The following LRP1B variants were observed in gnomAD, a reference collection of about 807,000 sequenced individuals.
LRP1B encodes low-density lipoprotein receptor-related protein 1B.
Under a neutral mutation model 556.6 loss-of-function variants are expected in LRP1B, and 217 were observed. That is an observed-to-expected ratio of 0.39 (90% CI 0.35 to 0.44). The LOEUF (loss-of-function observed/expected upper bound fraction) is 0.44. LRP1B is among the 20% of genes least tolerant of loss of function. The probability of loss-of-function intolerance (pLI) is 1.00; values close to 1 mark genes in which losing one functional copy is unlikely to be tolerated. For synonymous variants in LRP1B, 2,047 were observed against 1,865.8 expected, an observed-to-expected ratio of 1.10 and a Z score of -2.50; for missense variants, 5,053 against 5,620.8, an observed-to-expected ratio of 0.90 and a Z score of 3.23.
At chr2:140,803,290 T>TTTC (rs869303438) in intron 32 of LRP1B, among the ~76,000 whole-genome samples, 29 of 115,280 alleles carry the variant, frequency 2.5e-4, no homozygotes, top group African/African-American at 3.8e-4. Flanking sequence ...TTTTTTTTTT[T>TTTC]CCGAGATGGA....
At chr2:141,293,237 G>T (rs2105413687) in intron 3 of LRP1B, among the ~76,000 whole-genome samples, 1 of 152,292 alleles carries the variant, frequency 6.6e-6, no homozygotes, top group African/African-American at 2.4e-5. Context: ...TGACTGTTCA[G>T]AGAAATAACA....
intron 41 of LRP1B, among the ~76,000 whole-genome samples, chr2:140,690,078 A>G (rs1686184396): frequency 6.6e-6 from 1 of 152,112 alleles, no homozygotes; most frequent in South Asian, 2.1e-4. Context: ...TCATCCATCT[A>G]AAGAATATCA....
intron 1 of LRP1B, among the ~76,000 whole-genome samples, chr2:142,039,514 C>T (rs187618101): frequency 1.3e-5 from 2 of 151,444 alleles, no homozygotes; most frequent in African/African-American, 2.4e-5. Context: ...ATGATGGTCA[C>T]TTTATAATGC....
intron 1 of LRP1B, among the ~76,000 whole-genome samples, chr2:141,974,200 G>C (rs1701820789): frequency 6.6e-6 from 1 of 151,892 alleles, no homozygotes; most frequent in South Asian, 2.1e-4. Flanking sequence ...CCCAGAACAG[G>C]AAAGTGTTAA....
At chr2:141,452,636 G>A (rs948396660) in intron 3 of LRP1B, among the ~76,000 whole-genome samples, 2 of 152,170 alleles carry the variant, frequency 1.3e-5, no homozygotes, top group African/African-American at 4.8e-5. Context: ...ATCTTTCCCA[G>A]TAAAGAAGTT....
chr2:140,801,974 C>T (rs1178091184), intron 32 of LRP1B, among the ~76,000 whole-genome samples: 3 of 151,924 alleles, frequency 2.0e-5, no homozygotes, highest in African/African-American at 7.3e-5. Context: ...CTATCAAATA[C>T]AAAAATAAAG....
At chr2:140,980,444 A>G (rs1349324499) in intron 18 of LRP1B, among the ~76,000 whole-genome samples, 1 of 152,166 alleles carries the variant, frequency 6.6e-6, no homozygotes, top group African/African-American at 2.4e-5. Flanking sequence ...ATATTCTATT[A>G]TATACGTAAA....
chr2:140,390,063 G>T (rs1683948187), intron 66 of LRP1B, among the ~76,000 whole-genome samples: 1 of 152,108 alleles, frequency 6.6e-6, no homozygotes, highest in Admixed American at 6.6e-5. Flanking sequence ...CCAGGAGGCA[G>T]AGGTTGCAGT....
intron 2 of LRP1B, among the ~76,000 whole-genome samples, chr2:141,677,222 A>C (rs1026262453): frequency 1.3e-5 from 2 of 152,144 alleles, no homozygotes; most frequent in Non-Finnish European, 2.9e-5. Context: ...TTTGTTTCAA[A>C]AAATTGAGCC....
chr2:141,042,663 G>A (rs2105434465), intron 11 of LRP1B, among the ~76,000 whole-genome samples: 1 of 152,170 alleles, frequency 6.6e-6, no homozygotes, highest in South Asian at 2.1e-4. Context: ...TAATAATAAT[G>A]CTGACCTCGG....
intron 66 of LRP1B, among the ~76,000 whole-genome samples, chr2:140,390,442 TAAA>T (rs1367054791): frequency 6.6e-6 from 1 of 151,842 alleles, no homozygotes; most frequent in Non-Finnish European, 1.5e-5. Context: ...ATGCCATACA[TAAA>T]AAAGCAATCT....
intron 41 of LRP1B, among the ~76,000 whole-genome samples, chr2:140,681,671 T>G (rs1342663756): frequency 6.6e-6 from 1 of 152,156 alleles, no homozygotes; most frequent in East Asian, 1.9e-4. Context: ...AATTTCAGAT[T>G]TCAATGGTAT....
At chr2:141,096,733 G>A (rs970815256) in intron 7 of LRP1B, among the ~76,000 whole-genome samples, 2 of 147,528 alleles carry the variant, frequency 1.4e-5, no homozygotes, top group Non-Finnish European at 3.0e-5. Context: ...TAGTTGTATG[G>A]TCAAGTAACA....
At chr2:140,727,986 A>C (rs1238317809) in intron 35 of LRP1B, among the ~76,000 whole-genome samples, 2 of 152,194 alleles carry the variant, frequency 1.3e-5, no homozygotes, top group African/African-American at 4.8e-5. Flanking sequence ...AAATAAAATG[A>C]AATCTGCAGA....
At chr2:140,898,773 A>G in intron 23 of LRP1B, 2 of 581,928 alleles carry the variant, frequency 3.4e-6, no homozygotes, top group African/African-American at 1.9e-5. Context: ...CCTCTCTGGG[A>G]ACCAACTGGG....
chr2:140,640,048 G>A (rs982254114), intron 41 of LRP1B, among the ~76,000 whole-genome samples: 8 of 152,062 alleles, frequency 5.3e-5, no homozygotes, highest in Non-Finnish European at 7.3e-5. Context: ...TGTCGCCCAG[G>A]CTGGAGTGCA....
intron 35 of LRP1B, among the ~76,000 whole-genome samples, chr2:140,721,936 T>G (rs1484627024): frequency 6.6e-6 from 1 of 152,006 alleles, no homozygotes; most frequent in Non-Finnish European, 1.5e-5. Flanking sequence ...GATGAACTTT[T>G]ACATATGGAA....
Position 141,108,154 on chromosome 2 carries a change from G to A in LRP1B, c.1014-45881C>T, listed in dbSNP as rs62173712. ...TCTGCATTCCTCCCAAGAAGTCCGT[G>A]TCATTAAATGTGTTTCCTTTAGAAC... On this transcript the variant is annotated intron_variant, in intron 7 of 90. Transcript: ENST00000389484. Among the ~76,000 whole-genome samples the A allele has an allele frequency of 5.0e-3, 763 of 152,058 alleles. 5 individuals carry two copies. Among genetic ancestry groups the A allele is most frequent in the Non-Finnish European group, 7.7e-3 (523 of 67,970 alleles).
intron 11 of LRP1B, among the ~76,000 whole-genome samples, chr2:141,026,220 T>G (rs1202551568): frequency 1.3e-5 from 2 of 152,106 alleles, no homozygotes; most frequent in Non-Finnish European, 2.9e-5. Flanking sequence ...AATTATTCAA[T>G]CTCTTTCATA....
Sources: gnomAD v4.1 joint callset for allele counts (sites outside exome capture counted in the v4.1 genomes callset) on GRCh38, gnomAD v4.1.1 for gene constraint, MANE v1.5 for transcripts, NCBI Gene and HGNC (gene_info 2026-07-23, HGNC 2026-07-21) for gene names.